Variants in RRM1 observed in about 807,000 individuals in gnomAD.
The protein encoded by RRM1 is ribonucleoside-diphosphate reductase large subunit.
In RRM1, 19 loss-of-function variants were observed where a neutral mutation model predicts 101.5. That is an observed-to-expected ratio of 0.19 (90% confidence interval 0.13 to 0.27). The LOEUF is 0.27. Among genes scored for constraint, RRM1 ranks in the 10% least tolerant of loss-of-function variants. The pLI, the probability that RRM1 is intolerant of heterozygous loss-of-function variation, is 1.00. For missense variants in RRM1, 500 were observed against 962.9 expected, an observed-to-expected ratio of 0.52 and a Z score of 6.36; for synonymous variants, 298 against 323.4, an observed-to-expected ratio of 0.92 and a Z score of 0.84.
rs1452066561 is a variant in RRM1 at position 4,129,144 on chromosome 11, T to C, written c.1763T>C (p.Ile588Thr). 5.0e-6 allele frequency: 8 copies of C among 1,593,972 alleles called. No homozygotes were observed. Among genetic ancestry groups the C allele is most frequent in the South Asian group, 4.4e-5 (4 of 90,004 alleles). ...LWDWKVLKEK[I>T]AKYGIRNSLL... ...GACTGGAAGGTTCTCAAGGAGAAGA[T>C]TGCAAAGTAAGTGAAAAGATGTAAA... The change falls in exon 15 of 19, where the codon ATT becomes ACT. Residue 588 changes from isoleucine to threonine, a missense_variant. Ile to Thr is a moderately conservative substitution (Grantham distance 89, BLOSUM62 -1). Around this residue, in one of 9 missense-constraint regions of RRM1, gnomAD observed 106 missense variants for 138.1 expected, o/e 0.77. Coordinates refer to ENST00000300738, the MANE Select transcript of RRM1 (RefSeq NM_001033.5).
chr11:4,105,930 C>A, intron 2 of RRM1, 116 bp from the exon 3 acceptor site: 1 of 769,776 alleles, frequency 1.3e-6, no homozygotes, highest in South Asian at 1.6e-5. Context: ...CACTGAGTAG[C>A]TGGGACTATA....
chr11:4,106,988 G>A (rs532825388), intron 3 of RRM1, among the ~76,000 whole-genome samples: 1 of 151,944 alleles, frequency 6.6e-6, no homozygotes, highest in African/African-American at 2.4e-5. Flanking sequence ...CCGCCTCCCG[G>A]GTTCAAGTGA....
chr11:4,102,058 C>A lies in RRM1; in HGVS notation c.85C>A (p.Leu29Ile). Reference sequence around the variant, plus strand: ...TCGAATCCAGAAGCTTTGTTATGGACTCAATATGGATTTTGTTGATCCTGT... The same window carrying A: ...TCGAATCCAGAAGCTTTGTTATGGAATCAATATGGATTTTGTTGATCCTGT... ...TSRIQKLCYG[L>I]NMDFVDPAQI... is the part of the protein sequence containing the mutation. The change falls in exon 2 of 19, where the codon CTC becomes ATC. Residue 29 changes from leucine to isoleucine, a missense_variant. By Grantham distance (5) the Leu-to-Ile change is conservative. Coordinates refer to ENST00000300738, the MANE Select transcript of RRM1 (RefSeq NM_001033.5). 6.3e-7 allele frequency: 1 copy of A among 1,584,862 alleles called. No homozygotes were observed. Among genetic ancestry groups the A allele is most frequent in the Non-Finnish European group, 8.7e-7 (1 of 1,155,414 alleles).
rs1370126573 is a variant in RRM1 at position 4,127,210 on chromosome 11, A to C, written c.1646A>C (p.Glu549Ala). ...GAAGCCAGCTGTGACCTTGCCAAGG[A>C]GCAGGGCCCATACGAAACCTATGAG... ...ALEASCDLAK[E>A]QGPYETYEGS... is the part of the protein sequence containing the mutation. Residue 549 changes from glutamate (E) to alanine (A), a missense_variant, in exon 14 of 19, where the codon GAG (glutamate) becomes GCG (alanine). Glu to Ala is a moderately radical substitution (Grantham distance 107). Transcript: ENST00000300738. 5 of 1,611,108 alleles carry C rather than the reference A, an allele frequency of 3.1e-6. No individual in the cohort carries two copies. Among genetic ancestry groups the C allele is most frequent in the Non-Finnish European group, 4.2e-6 (5 of 1,179,162 alleles).
At chr11:4,121,988 C>G in intron 10 of RRM1, 153 bp from the exon 11 acceptor site, 1 of 692,412 alleles carries the variant, frequency 1.4e-6, no homozygotes, top group Non-Finnish European at 2.4e-6. Flanking sequence ...AACAGGCAGA[C>G]CTAGATGTTT....
At chr11:4,100,502 G>T (rs2094549535) in intron 1 of RRM1, among the ~76,000 whole-genome samples, 1 of 152,196 alleles carries the variant, frequency 6.6e-6, no homozygotes, top group Non-Finnish European at 1.5e-5. Flanking sequence ...CATTGTGTTG[G>T]CATTGAAAAA....
chr11:4,110,058 T>C (rs2094563286), intron 5 of RRM1, among the ~76,000 whole-genome samples: 4 of 152,216 alleles, frequency 2.6e-5, no homozygotes, highest in African/African-American at 9.6e-5. Flanking sequence ...CAGTCTCTGC[T>C]CTATTTCTTA....
Position 4,103,052 on chromosome 11 carries a change from T to G in RRM1, c.108+971T>G, listed in dbSNP as rs74599619. On this transcript the variant is annotated intron_variant, in intron 2 of 18. Transcript: ENST00000300738. The stretch of plus-strand genomic sequence containing the variant: ...TTTCCGTCTCCTTATTTAGGTATCT[T>G]ATCCGCACTGCTAAGGTATCTTAGG... 9.6e-4 allele frequency among the ~76,000 whole-genome samples: 146 copies of G among 152,326 alleles called. 1 individual carries two copies. Among genetic ancestry groups the G allele is most frequent in the African/African-American group, 3.3e-3 (138 of 41,592 alleles).
At chr11:4,095,785 TGCTTG>T (rs1007891277) in intron 1 of RRM1, among the ~76,000 whole-genome samples, 15 of 152,220 alleles carry the variant, frequency 9.9e-5, no homozygotes, top group Non-Finnish European at 2.1e-4. Context: ...CCCAGCCCTT[TGCTTG>T]GCTTTGTGAG....
chr11:4,116,522 A>T (rs1458702976), intron 7 of RRM1, among the ~76,000 whole-genome samples: 3 of 151,572 alleles, frequency 2.0e-5, no homozygotes, highest in East Asian at 3.9e-4. Flanking sequence ...AACCTGGGAG[A>T]CGGAGCTTGC....
chr11:4,120,123 C>T (rs1180180644), intron 9 of RRM1, among the ~76,000 whole-genome samples, 195 bp downstream of exon 9: 1 of 152,048 alleles, frequency 6.6e-6, no homozygotes, highest in Admixed American at 6.6e-5. Context: ...AATGTATACA[C>T]TTGTGTAATC....
At chr11:4,116,679 A>G (rs2094574038) in intron 7 of RRM1, among the ~76,000 whole-genome samples, 1 of 152,194 alleles carries the variant, frequency 6.6e-6, no homozygotes, top group Non-Finnish European at 1.5e-5. Flanking sequence ...AGAGATTATA[A>G]GAAAAACAAG....
chr11:4,124,818 C>T (rs2094586927), intron 12 of RRM1, among the ~76,000 whole-genome samples: 1 of 142,856 alleles, frequency 7.0e-6, no homozygotes, highest in Non-Finnish European at 1.6e-5. Flanking sequence ...TTAAAATGTA[C>T]AATTCAGTGT....
chr11:4,128,742 A>ATG (rs561181452), intron 14 of RRM1, among the ~76,000 whole-genome samples: 2 of 152,248 alleles, frequency 1.3e-5, no homozygotes, highest in South Asian at 4.1e-4. Flanking sequence ...AAGTAAACAG[A>ATG]TCAAGGGACA....
intron 18 of RRM1, among the ~76,000 whole-genome samples, chr11:4,136,796 A>G (rs9666229): frequency 0.37 from 55,505 of 151,078 alleles, 10,337 homozygotes; most frequent in South Asian, 0.46. Context: ...TTTATTGATC[A>G]TTCTTGGGTG....
In RRM1 at chr11:4,138,220, T is replaced by G; in HGVS notation, c.2216T>G (p.Leu739Ter). ...KQGLKTGMYY[L>*]RTRPAANPIQ... The stretch of plus-strand genomic sequence containing the variant: ...GGTTTGAAGACTGGGATGTATTATT[T>G]AAGGACAAGACCAGCGGCTAATCCA... The change falls in exon 19 of 19, where the codon TTA (leucine) becomes TGA (stop). Residue 739 changes from leucine (L) to a stop codon, truncating the protein, a stop_gained. Coordinates refer to ENST00000300738, the MANE Select transcript of RRM1 (RefSeq NM_001033.5). LOFTEE classifies it high-confidence loss of function. The G allele has an allele frequency of 6.3e-7, 1 of 1,587,396 alleles. No homozygotes were observed. Among genetic ancestry groups the G allele is most frequent in the Non-Finnish European group, 8.6e-7 (1 of 1,159,118 alleles).
Position 4,136,266 on chromosome 11 carries a change from G to A in RRM1, c.2190+996G>A, listed in dbSNP as rs975403540. Among the ~76,000 whole-genome samples, 13 of 152,136 alleles carry A rather than the reference G, an allele frequency of 8.5e-5. No homozygotes were observed. The East Asian group carries it at 1.2e-3, about 14-fold the overall frequency. ...AGACAGAGACTCACTCTGTTGCCCC[G>A]GCTGGAGTACAGCGGCATGATCTTG... On this transcript the variant is annotated intron_variant, in intron 18 of 18. Transcript: ENST00000300738.
intron 1 of RRM1, among the ~76,000 whole-genome samples, chr11:4,095,498 G>A (rs1331665597): frequency 6.6e-6 from 1 of 150,566 alleles, no homozygotes; most frequent in Non-Finnish European, 1.5e-5. Context: ...AGGGTCGGGG[G>A]GCAGCTAGGA....
chr11:4,109,153 C>T (rs1347012167), intron 4 of RRM1, among the ~76,000 whole-genome samples: 1 of 151,792 alleles, frequency 6.6e-6, no homozygotes, highest in Non-Finnish European at 1.5e-5. Context: ...AAGCCTGCTT[C>T]CTGTCATTGT....
Sources: allele counts gnomAD v4.1 joint callset (sites outside exome capture counted in the v4.1 genomes callset), GRCh38; gene constraint gnomAD v4.1.1; regional missense constraint gnomAD v4.1.1; transcripts MANE v1.5; gene names NCBI Gene and HGNC (gene_info 2026-07-23, HGNC 2026-07-21).